The following CCSER1 variants were observed in gnomAD, a reference collection of about 807,000 sequenced individuals.
The protein encoded by CCSER1 is coiled-coil serine rich protein 1.
CCSER1 carries 41 observed loss-of-function variants against 82.0 expected under a neutral mutation model. The observed-to-expected ratio is 0.50, with a 90% confidence interval of 0.39 to 0.65. The LOEUF (loss-of-function observed/expected upper bound fraction) is 0.65, where lower values mean the gene tolerates loss of function less well. Ranked by LOEUF, CCSER1 falls within the 30% of genes least tolerant of loss-of-function variation. CCSER1 has a pLI of 0.00. For missense variants in CCSER1, 1,119 were observed against 1,064.2 expected (o/e 1.05, Z -0.72); for synonymous variants, 414 against 383.9 (o/e 1.08, Z -0.92).
intron 1 of CCSER1, among the ~76,000 whole-genome samples, chr4:90,282,390 G>A (rs1382189929): frequency 1.3e-5 from 2 of 151,358 alleles, no homozygotes; most frequent in Non-Finnish European, 3.0e-5. Flanking sequence ...GATATAGAAA[G>A]TATCTAATCC....
chr4:90,481,239 G>C (rs1283590815), intron 5 of CCSER1, among the ~76,000 whole-genome samples: 2 of 152,202 alleles, frequency 1.3e-5, no homozygotes, highest in Non-Finnish European at 2.9e-5. Flanking sequence ...AGACTTTGCT[G>C]AAGTTTCTTA....
chr4:91,072,350 G>A (rs897618742), intron 9 of CCSER1, among the ~76,000 whole-genome samples: 6 of 151,956 alleles, frequency 3.9e-5, no homozygotes, highest in South Asian at 2.1e-4. Flanking sequence ...TTTTTCCCAA[G>A]GAATCAGGGC....
At chr4:90,143,013 ATT>A (rs1222033238) in intron 1 of CCSER1, among the ~76,000 whole-genome samples, 1 of 152,152 alleles carries the variant, frequency 6.6e-6, no homozygotes, top group African/African-American at 2.4e-5. Flanking sequence ...AATATCCACT[ATT>A]TGTCACTTCC....
intron 9 of CCSER1, among the ~76,000 whole-genome samples, chr4:91,062,017 A>C (rs1743997553): frequency 6.6e-6 from 1 of 151,990 alleles, no homozygotes; most frequent in Non-Finnish European, 1.5e-5. Context: ...ATCTTAGTAC[A>C]TTTCTGCATG....
intron 1 of CCSER1, among the ~76,000 whole-genome samples, chr4:90,236,209 G>A (rs771376879): frequency 2.0e-5 from 3 of 152,198 alleles, no homozygotes; most frequent in Non-Finnish European, 2.9e-5. Flanking sequence ...GATGACAGCC[G>A]TAAGCCACTG....
chr4:90,764,891 A>G (rs1007369669), intron 7 of CCSER1, among the ~76,000 whole-genome samples: 2 of 152,066 alleles, frequency 1.3e-5, no homozygotes, highest in Admixed American at 1.3e-4. Flanking sequence ...CTTTAATGGT[A>G]TTTTACTGTT....
intron 6 of CCSER1, among the ~76,000 whole-genome samples, chr4:90,691,522 C>T (rs11939649): frequency 0.6 from 90,509 of 151,318 alleles, 27,239 homozygotes; most frequent in Middle Eastern, 0.75. Context: ...TACATGTGTA[C>T]ATATCACACG....
intron 9 of CCSER1, among the ~76,000 whole-genome samples, chr4:90,964,283 G>A (rs1006935265): frequency 6.6e-6 from 1 of 151,800 alleles, no homozygotes; most frequent in Non-Finnish European, 1.5e-5. Flanking sequence ...GATTTTTTTT[G>A]TATCTATAAA....
intron 1 of CCSER1, among the ~76,000 whole-genome samples, chr4:90,180,136 AT>A (rs750929111): frequency 0.033 from 4,911 of 148,914 alleles, 117 homozygotes; most frequent in South Asian, 0.057. Context: ...ATATATATAT[AT>A]ATATAAATTA....
intron 6 of CCSER1, among the ~76,000 whole-genome samples, chr4:90,700,477 G>A (rs957651109): frequency 2.6e-5 from 4 of 152,174 alleles, no homozygotes; most frequent in Non-Finnish European, 4.4e-5. Context: ...ATAGCAGCAT[G>A]ATTTATAATC....
At chr4:90,960,836 CA>C (rs1187998137) in intron 9 of CCSER1, among the ~76,000 whole-genome samples, 2 of 152,138 alleles carry the variant, frequency 1.3e-5, no homozygotes, top group Non-Finnish European at 2.9e-5. Context: ...ACTTATTTAG[CA>C]CCTTAATATA....
chr4:90,945,400 A>G (rs1219952189), intron 9 of CCSER1, among the ~76,000 whole-genome samples: 1 of 152,178 alleles, frequency 6.6e-6, no homozygotes, highest in Non-Finnish European at 1.5e-5. Flanking sequence ...GTTATACTAT[A>G]GACTTCATTA....
At chr4:90,940,047 A>G (rs1266053366) in intron 9 of CCSER1, among the ~76,000 whole-genome samples, 1 of 152,144 alleles carries the variant, frequency 6.6e-6, no homozygotes, top group Non-Finnish European at 1.5e-5. Context: ...TGAATGGTCA[A>G]TACTGTATTA....
At chr4:91,424,171 C>T (rs957593123) in intron 10 of CCSER1, among the ~76,000 whole-genome samples, 15 of 151,070 alleles carry the variant, frequency 9.9e-5, no homozygotes, top group African/African-American at 1.7e-4. Context: ...CGCCCGCCAC[C>T]GCGCCCGGCT....
chr4:90,550,360 T>C (rs1308528907), intron 5 of CCSER1, among the ~76,000 whole-genome samples: 1 of 152,192 alleles, frequency 6.6e-6, no homozygotes, highest in African/African-American at 2.4e-5. Context: ...TACTTGACTT[T>C]CATGAAATTT....
rs34194245 is a variant in CCSER1 at position 90,140,657 on chromosome 4, C to CTT, written c.-42+12851_-42+12852dup. Among the ~76,000 whole-genome samples, 520 of 63,654 alleles carry CTT rather than the reference C, an allele frequency of 8.2e-3. 65 individuals are homozygous for CTT. Among genetic ancestry groups the CTT allele is most frequent in the African/African-American group, 0.018 (271 of 14,758 alleles). 41.8% of individuals were successfully genotyped at this position (63,654 alleles called of 152,430 possible). ...CTTCCAATCAGGTATTTTTGGTCTA[C>CTT]TTTTTTTTTTTTTTTTTTTTTTTTT... On this transcript the variant is annotated intron_variant, in intron 1 of 10. Coordinates refer to ENST00000509176, the MANE Select transcript of CCSER1 (RefSeq NM_001145065.2).
intron 4 of CCSER1, among the ~76,000 whole-genome samples, chr4:90,463,511 C>G (rs1763218719): frequency 1.3e-5 from 2 of 152,144 alleles, no homozygotes; most frequent in Non-Finnish European, 2.9e-5. Flanking sequence ...AGAATTGTGT[C>G]TATCTTGTCA....
At chr4:90,243,814 A>T (rs72659487) in intron 1 of CCSER1, among the ~76,000 whole-genome samples, 1 of 152,230 alleles carries the variant, frequency 6.6e-6, no homozygotes, top group Non-Finnish European at 1.5e-5. Context: ...TAATTTTTTA[A>T]AAAATTATTA....
At chr4:91,348,398 G>T (rs1269795088) in intron 10 of CCSER1, among the ~76,000 whole-genome samples, 4 of 151,968 alleles carry the variant, frequency 2.6e-5, no homozygotes, top group Admixed American at 1.3e-4. Context: ...TAGGATTTAT[G>T]CATCTATGTT....
Sources: allele counts gnomAD v4.1 joint callset (sites outside exome capture counted in the v4.1 genomes callset), GRCh38; gene constraint gnomAD v4.1.1; transcripts MANE v1.5; gene names NCBI Gene and HGNC (gene_info 2026-07-23, HGNC 2026-07-21).